SASH1: variants seen among roughly 807,000 people sequenced by gnomAD.
SASH1 encodes SAM and SH3 domain containing 1.
Under a neutral mutation model 125.2 loss-of-function variants are expected in SASH1, and 44 were observed. The observed-to-expected ratio is 0.35, with a 90% confidence interval of 0.28 to 0.45. The LOEUF is 0.45. SASH1 is among the 20% of genes least tolerant of loss of function. The pLI is 1.00. For synonymous variants in SASH1, 639 were observed against 649.1 expected, an observed-to-expected ratio of 0.98 and a Z score of 0.24; for missense variants, 1,426 against 1,614.5, an observed-to-expected ratio of 0.88 and a Z score of 2.00.
intron 8 of SASH1, among the ~76,000 whole-genome samples, chr6:148,507,175 C>T (rs1779845442): frequency 6.6e-6 from 1 of 152,028 alleles, no homozygotes; most frequent in Non-Finnish European, 1.5e-5. Flanking sequence ...GAGCAGAAGA[C>T]AGAGTGGGAG....
At chr6:148,301,544 G>T (rs1779944951) in intron 1 of SASH1, among the ~76,000 whole-genome samples, 1 of 151,820 alleles carries the variant, frequency 6.6e-6, no homozygotes, top group South Asian at 2.1e-4. Context: ...GGGATTACAG[G>T]CGTGAGCCAC....
chr6:148,324,499 T>A (rs1780744060), intron 1 of SASH1, among the ~76,000 whole-genome samples: 1 of 152,138 alleles, frequency 6.6e-6, no homozygotes, highest in Admixed American at 6.6e-5. Context: ...AACTCTGCCA[T>A]CCAATGAATC....
At chr6:148,498,671 C>G (rs938635399) in intron 8 of SASH1, among the ~76,000 whole-genome samples, 2 of 152,136 alleles carry the variant, frequency 1.3e-5, no homozygotes, top group East Asian at 3.8e-4. Context: ...CCACATTTCC[C>G]CTGCTAGCTG....
intron 1 of SASH1, among the ~76,000 whole-genome samples, chr6:148,322,277 G>A (rs1174578933): frequency 6.6e-6 from 1 of 152,058 alleles, no homozygotes; most frequent in Non-Finnish European, 1.5e-5. Flanking sequence ...AGTTGAACCC[G>A]GGAAGTGGAG....
intron 2 of SASH1, among the ~76,000 whole-genome samples, chr6:148,392,220 A>C (rs1206106394): frequency 2.0e-5 from 3 of 147,486 alleles, no homozygotes; most frequent in Non-Finnish European, 3.0e-5. Context: ...TGGGAGGCGG[A>C]GGTTGTGGTG....
intron 2 of SASH1, among the ~76,000 whole-genome samples, chr6:148,423,555 C>T (rs1024860370): frequency 1.3e-5 from 2 of 152,240 alleles, no homozygotes; most frequent in African/African-American, 4.8e-5. Context: ...CCTGTTTGAT[C>T]AGGCTGCATA....
At chr6:148,471,565 G>A in intron 6 of SASH1, 62 bp downstream of exon 6, 2 of 995,656 alleles carry the variant, frequency 2.0e-6, no homozygotes, top group Non-Finnish European at 3.2e-6. Flanking sequence ...AGAATCCTAT[G>A]CGGCTAATCT....
At chr6:148,351,631 G>A (rs1319478804) in intron 1 of SASH1, among the ~76,000 whole-genome samples, 1 of 142,614 alleles carries the variant, frequency 7.0e-6, no homozygotes, top group Non-Finnish European at 1.5e-5. Flanking sequence ...GATATGCCCT[G>A]AGCCCTAGTT....
chr6:148,487,737 C>G (rs750457443), intron 8 of SASH1, 22 bp downstream of exon 8: 17 of 1,505,656 alleles, frequency 1.1e-5, no homozygotes, highest in Non-Finnish European at 1.5e-5. Flanking sequence ...ATGTCTTTGA[C>G]ATCTTGATCA....
chr6:148,449,499 T>C (rs1192833101), intron 4 of SASH1, among the ~76,000 whole-genome samples: 1 of 151,976 alleles, frequency 6.6e-6, no homozygotes, highest in African/African-American at 2.4e-5. Flanking sequence ...GTGATTCTCC[T>C]GCCTCAGCCT....
intron 8 of SASH1, among the ~76,000 whole-genome samples, chr6:148,498,543 G>C (rs1364467652): frequency 6.6e-6 from 1 of 152,008 alleles, no homozygotes; most frequent in African/African-American, 2.4e-5. Context: ...GATACAATTT[G>C]GTCTGTTTCT....
At chr6:148,320,693 G>A (rs1780613734) in intron 1 of SASH1, among the ~76,000 whole-genome samples, 1 of 152,180 alleles carries the variant, frequency 6.6e-6, no homozygotes, top group Non-Finnish European at 1.5e-5. Context: ...TCTCCCACTT[G>A]TATTGGTCTG....
chr6:148,342,913 C>T lies in SASH1; in HGVS notation c.-155C>T, dbSNP rs999464319. ...GAGGTGCGGGCGCCTGCGAAGGGCC[C>T]CCGCGGGGTGGCCGGGGCCGCCGGG... On this transcript the variant is annotated 5_prime_UTR_variant, in exon 1 of 20. Transcript: ENST00000367467. The T allele has an allele frequency of 5.9e-5, 37 of 623,092 alleles. No individual in the cohort carries two copies. In the African/African-American group the frequency reaches 6.6e-4, roughly 11 times the overall value. The allele number at this position is 623,092 out of a possible 1,614,324, so 38.6% of individuals were successfully genotyped here.
At chr6:148,411,148 AG>A (rs1377469124) in intron 2 of SASH1, among the ~76,000 whole-genome samples, 1 of 136,408 alleles carries the variant, frequency 7.3e-6, no homozygotes, top group Non-Finnish European at 1.6e-5. Context: ...GCCTACAACA[AG>A]AGCGAAACTC....
At chr6:148,451,857 A>C (rs908123113) in intron 4 of SASH1, among the ~76,000 whole-genome samples, 1 of 152,214 alleles carries the variant, frequency 6.6e-6, no homozygotes, top group African/African-American at 2.4e-5. Flanking sequence ...ACATGAATGC[A>C]TCCTGTCTCC....
chr6:148,220,325 G>A, the SASH1 span, among the ~76,000 whole-genome samples: 1 of 151,784 alleles, frequency 6.6e-6, no homozygotes, highest in East Asian at 1.9e-4. Context: ...CTCACATGGC[G>A]GAAGTGCAGA....
chr6:148,463,560 C>T (rs1367518439), intron 4 of SASH1, among the ~76,000 whole-genome samples: 1 of 152,174 alleles, frequency 6.6e-6, no homozygotes, highest in Non-Finnish European at 1.5e-5. Context: ...TGCTGGGCCT[C>T]ACTTTCTCTT....
At chr6:148,504,261 G>T (rs1250274232) in intron 8 of SASH1, among the ~76,000 whole-genome samples, 1 of 152,176 alleles carries the variant, frequency 6.6e-6, no homozygotes, top group Non-Finnish European at 1.5e-5. Context: ...TGGGGTGTTT[G>T]AGATGCTGCA....
intron 2 of SASH1, among the ~76,000 whole-genome samples, chr6:148,419,067 G>C (rs1784939176): frequency 6.6e-6 from 1 of 152,124 alleles, no homozygotes; most frequent in African/African-American, 2.4e-5. Context: ...GTTGCTCTGT[G>C]AATAATTTAT....
Sources: allele counts gnomAD v4.1 joint callset (sites outside exome capture counted in the v4.1 genomes callset), GRCh38; gene constraint gnomAD v4.1.1; transcripts MANE v1.5; gene names NCBI Gene and HGNC (gene_info 2026-07-23, HGNC 2026-07-21).